STAG1: variants seen among roughly 807,000 people sequenced by gnomAD.
The protein encoded by STAG1 is STAG1 cohesin complex component.
STAG1 carries 26 observed loss-of-function variants against 170.9 expected under a neutral mutation model. That is an observed-to-expected ratio of 0.15 (90% confidence interval 0.11 to 0.21). The LOEUF (loss-of-function observed/expected upper bound fraction) is 0.21, where lower values mean the gene tolerates loss of function less well. STAG1 is among the 10% of genes least tolerant of loss of function. The pLI, the probability that STAG1 is intolerant of heterozygous loss-of-function variation, is 1.00. For synonymous variants in STAG1, 514 were observed against 497.7 expected (o/e 1.03, Z -0.44); for missense variants, 964 against 1,509.5 (o/e 0.64, Z 5.99).
chr3:136,745,656 G>A (rs887531301), intron 1 of STAG1, among the ~76,000 whole-genome samples: 2 of 152,200 alleles, frequency 1.3e-5, no homozygotes, highest in Admixed American at 1.3e-4. Flanking sequence ...CTCACCTCCT[G>A]CTGTGCAGCC....
chr3:136,388,949 C>A (rs1022443014), intron 22 of STAG1, among the ~76,000 whole-genome samples: 3 of 152,032 alleles, frequency 2.0e-5, no homozygotes, highest in Non-Finnish European at 4.4e-5. Flanking sequence ...TCTAAATATT[C>A]TTTTTTTATA....
chr3:136,393,894 C>A (rs1178603464), intron 22 of STAG1, among the ~76,000 whole-genome samples: 3 of 152,076 alleles, frequency 2.0e-5, no homozygotes, highest in Non-Finnish European at 2.9e-5. Flanking sequence ...CTGTGTCCAG[C>A]CTGAAACATG....
chr3:136,671,056 G>A (rs576101849), intron 1 of STAG1, among the ~76,000 whole-genome samples: 101 of 152,028 alleles, frequency 6.6e-4, no homozygotes, highest in African/African-American at 2.1e-3. Flanking sequence ...AGGCCGAGGC[G>A]GGCAGATCAC....
intron 1 of STAG1, among the ~76,000 whole-genome samples, chr3:136,647,273 T>C (rs1207468479): frequency 6.6e-6 from 1 of 151,968 alleles, no homozygotes; most frequent in Non-Finnish European, 1.5e-5. Flanking sequence ...AAAAATGAAA[T>C]AAAAATATCT....
chr3:136,605,009 A>C (rs1369966898), intron 3 of STAG1, among the ~76,000 whole-genome samples: 1 of 152,208 alleles, frequency 6.6e-6, no homozygotes, highest in Non-Finnish European at 1.5e-5. Flanking sequence ...TGAATATTTT[A>C]ACCTTGCCCC....
chr3:136,594,698 G>C (rs994110215), intron 4 of STAG1, among the ~76,000 whole-genome samples: 6 of 152,140 alleles, frequency 3.9e-5, no homozygotes, highest in African/African-American at 1.4e-4. Context: ...TAAGGGTCAG[G>C]TGAGTTTAAT....
At chr3:136,728,255 G>A (rs1933800401) in intron 1 of STAG1, among the ~76,000 whole-genome samples, 1 of 152,006 alleles carries the variant, frequency 6.6e-6, no homozygotes, top group African/African-American at 2.4e-5. Flanking sequence ...AGTAACAAAG[G>A]GGAAATAAAC....
At chr3:136,596,061 G>C (rs551974178) in intron 4 of STAG1, among the ~76,000 whole-genome samples, 6 of 152,282 alleles carry the variant, frequency 3.9e-5, no homozygotes, top group African/African-American at 1.4e-4. Context: ...TCCTGGTGAA[G>C]ATGCTGTGAA....
rs377681623 is a variant in STAG1 at position 136,643,563 on chromosome 3, C to A, written c.-83-12582G>T. 2.6e-5 allele frequency among the ~76,000 whole-genome samples: 4 copies of A among 152,282 alleles called. No individual in the cohort carries two copies. In the East Asian group the frequency reaches 7.7e-4, roughly 29 times the overall value. ...TGGCTCTGTTGTCCAGGCTGGAGTG[C>A]AACAGCGCAATCTCAGCTCACTGCA... On this transcript the variant is annotated intron_variant, in intron 1 of 33. Coordinates refer to ENST00000383202, the MANE Select transcript of STAG1 (RefSeq NM_005862.3).
chr3:136,413,542 T>C (rs1215643506), intron 21 of STAG1, among the ~76,000 whole-genome samples: 4 of 152,082 alleles, frequency 2.6e-5, no homozygotes, highest in Non-Finnish European at 5.9e-5. Flanking sequence ...CACCGCAACC[T>C]CTGCCTCCCA....
intron 1 of STAG1, among the ~76,000 whole-genome samples, chr3:136,740,683 G>C (rs1356979312): frequency 6.6e-6 from 1 of 152,042 alleles, no homozygotes; most frequent in African/African-American, 2.4e-5. Context: ...GTTTCACTAT[G>C]TTGCCCAGGC....
At chr3:136,586,488 G>T (rs1270108162) in intron 4 of STAG1, among the ~76,000 whole-genome samples, 1 of 152,168 alleles carries the variant, frequency 6.6e-6, no homozygotes, top group Non-Finnish European at 1.5e-5. Flanking sequence ...CAATATATTT[G>T]CTAAAAGCTA....
chr3:136,338,388 A>G lies in STAG1; in HGVS notation c.3735T>C (p.Ala1245=). 9.3e-6 allele frequency: 15 copies of G among 1,613,356 alleles called. No homozygotes were observed. Among genetic ancestry groups the G allele is most frequent in the Non-Finnish European group, 1.1e-5 (13 of 1,179,286 alleles). The change falls in exon 33 of 34, where the codon GCT becomes GCC. Residue 1245 remains alanine, a synonymous_variant. Coordinates refer to ENST00000383202, the MANE Select transcript of STAG1 (RefSeq NM_005862.3). ...CATTTACTGAATCATCTTCTATGAT[A>G]GCTGCAGAGTCAAAGAAGTCTGGCC... ...ELRPDFFDSA[A]IIEDDSGFGM...
At position 136,737,090 on chromosome 3, in the gene STAG1, A is replaced by G. The variant is rs962367516; in HGVS notation, c.-84+15105T>C. ...ATGGGGTGAAACTGAAGTAAGAGGA[A>G]CCAGGACAGGTCAGTCTTTCAATCT... On this transcript the variant is annotated intron_variant, in intron 1 of 33. Transcript: ENST00000383202. 9 of 960,524 alleles carry G rather than the reference A, an allele frequency of 9.4e-6. No individual in the cohort carries two copies. The African/African-American group carries it at 1.4e-4, about 15-fold the overall frequency. The allele number at this position is 960,524 out of a possible 1,614,324, so 59.5% of individuals were successfully genotyped here.
chr3:136,469,599 A>G (rs146430635), intron 12 of STAG1, among the ~76,000 whole-genome samples: 26,742 of 151,734 alleles, frequency 0.18, 2,572 homozygotes, highest in Non-Finnish European at 0.24. Context: ...CCATCAAGCT[A>G]CCAATGACTT....
rs536751564 is a variant in STAG1, at chr3:136,451,465, T to TA, written c.1428+567dup. 3.3e-4 allele frequency among the ~76,000 whole-genome samples: 50 copies of TA among 151,558 alleles called. 2 individuals carry two copies. In the South Asian group the frequency reaches 0.01, roughly 30 times the overall value. On this transcript the variant is annotated intron_variant, in intron 14 of 33. Coordinates refer to ENST00000383202, the MANE Select transcript of STAG1 (RefSeq NM_005862.3). ...CAGGCATAAAAACAAAAGGCAACAA[T>TA]AAAAAAAAGGTATGCAGGCTGGGCA...
chr3:136,667,850 A>T (rs1313464419), intron 1 of STAG1, among the ~76,000 whole-genome samples: 1 of 152,028 alleles, frequency 6.6e-6, no homozygotes, highest in Non-Finnish European at 1.5e-5. Context: ...TTAAATACTT[A>T]TTTTTTAAAA....
chr3:136,464,979 T>C lies in STAG1; in HGVS notation c.1215A>G (p.Glu405=), dbSNP rs1404503932. The C allele has an allele frequency of 1.9e-6, 3 of 1,606,458 alleles. No individual in the cohort carries two copies. The highest frequency in any genetic ancestry group is 2.2e-5 in the East Asian group (1 of 44,674). Reference sequence around the variant, plus strand: ...CACAGTCTTCATTGGAAAGAGCTTCTTCACTTCCACTGAAAAATACAGAAA... The same window carrying C: ...CACAGTCTTCATTGGAAAGAGCTTCCTCACTTCCACTGAAAAATACAGAAA... The part of the protein sequence containing the change: ...RLVTLILHGS[E]EALSNEDCEN... The change falls in exon 13 of 34, where the codon GAA becomes GAG. Residue 405 remains glutamate, a synonymous_variant. Coordinates refer to ENST00000383202, the MANE Select transcript of STAG1 (RefSeq NM_005862.3).
chr3:136,745,318 T>C (rs1469218707), intron 1 of STAG1, among the ~76,000 whole-genome samples: 3 of 151,738 alleles, frequency 2.0e-5, no homozygotes, highest in African/African-American at 7.3e-5. Context: ...TAAAAATAAA[T>C]AAAAAACAAA....
Sources: gnomAD v4.1 joint callset for allele counts (sites outside exome capture counted in the v4.1 genomes callset) on GRCh38, gnomAD v4.1.1 for gene constraint, MANE v1.5 for transcripts, NCBI Gene and HGNC (gene_info 2026-07-23, HGNC 2026-07-21) for gene names.